The following LARGE1 variants were observed in gnomAD, a reference collection of about 807,000 sequenced individuals.
The protein encoded by LARGE1 is xylosyl- and glucuronyltransferase LARGE1.
Under a neutral mutation model 87.6 loss-of-function variants are expected in LARGE1, and 43 were observed. The observed-to-expected ratio is 0.49, with a 90% CI of 0.38 to 0.63. LARGE1 has a LOEUF of 0.63. Among genes scored for constraint, LARGE1 ranks in the 30% least tolerant of loss-of-function variants. The pLI, the probability that LARGE1 is intolerant of heterozygous loss-of-function variation, is 0.00. For synonymous variants in LARGE1, 434 were observed against 394.6 expected (o/e 1.10, Z -1.18); for missense variants, 802 against 1,000.2 (o/e 0.80, Z 2.67).
At chr22:33,325,076 A>T (rs186524439) in intron 10 of LARGE1, among the ~76,000 whole-genome samples, 1 of 152,230 alleles carries the variant, frequency 6.6e-6, no homozygotes, top group Non-Finnish European at 1.5e-5. Flanking sequence ...AGTAGCTGAG[A>T]TTCAAACCCA....
chr22:33,298,137 T>G (rs1476312761), intron 12 of LARGE1, among the ~76,000 whole-genome samples: 1 of 152,160 alleles, frequency 6.6e-6, no homozygotes, highest in Non-Finnish European at 1.5e-5. Flanking sequence ...CTCTCCTCAT[T>G]TAGAGACCTT....
At chr22:33,714,644 A>G (rs1358398770) in intron 2 of LARGE1, among the ~76,000 whole-genome samples, 2 of 152,218 alleles carry the variant, frequency 1.3e-5, no homozygotes, top group Non-Finnish European at 2.9e-5. Flanking sequence ...CTCAGGTAAA[A>G]CTGACTGTGG....
chr22:33,860,280 C>T (rs73154536), intron 1 of LARGE1, among the ~76,000 whole-genome samples: 2 of 152,236 alleles, frequency 1.3e-5, no homozygotes, highest in African/African-American at 4.8e-5. Context: ...GCGTGAGCCA[C>T]GATGCCTGGC....
chr22:33,092,576 G>C, the LARGE1 span, among the ~76,000 whole-genome samples: 1 of 152,046 alleles, frequency 6.6e-6, no homozygotes, highest in Non-Finnish European at 1.5e-5. Context: ...TAGGTATTAA[G>C]CCCTGCATGC....
intron 2 of LARGE1, among the ~76,000 whole-genome samples, chr22:33,725,948 G>C (rs368935102): frequency 2.0e-5 from 3 of 152,102 alleles, no homozygotes; most frequent in East Asian, 3.9e-4. Context: ...ACAAATCAGG[G>C]GAGAGATGCT....
At chr22:33,875,659 G>A (rs938798424) in intron 1 of LARGE1, among the ~76,000 whole-genome samples, 5 of 152,236 alleles carry the variant, frequency 3.3e-5, no homozygotes, top group Admixed American at 6.5e-5. Flanking sequence ...AATTTAGCTC[G>A]CACTTGGCAG....
At chr22:33,428,629 AAG>A (rs2066964491) in intron 7 of LARGE1, among the ~76,000 whole-genome samples, 4 of 148,888 alleles carry the variant, frequency 2.7e-5, no homozygotes, top group Admixed American at 2.6e-4. Flanking sequence ...TATCTTAAAA[AAG>A]AGAGAGAACT....
the LARGE1 span, among the ~76,000 whole-genome samples, chr22:33,131,220 T>C: frequency 6.6e-6 from 1 of 152,114 alleles, no homozygotes; most frequent in African/African-American, 2.4e-5. Context: ...CCTGCTATTA[T>C]AGCCCAAGGT....
chr22:33,198,636 G>GACACACACAC (rs71187250), intron 11 of LARGE1, among the ~76,000 whole-genome samples: 5 of 137,674 alleles, frequency 3.6e-5, no homozygotes, highest in African/African-American at 1.2e-4. Context: ...TATACACCGT[G>GACACACACAC]ACACACACAC....
chr22:33,504,789 A>G (rs2070685463), intron 6 of LARGE1, among the ~76,000 whole-genome samples: 1 of 152,206 alleles, frequency 6.6e-6, no homozygotes, highest in African/African-American at 2.4e-5. Flanking sequence ...TTGCTATAAG[A>G]TACTCACATT....
At chr22:33,651,727 T>A (rs2080824546) in intron 2 of LARGE1, among the ~76,000 whole-genome samples, 1 of 152,208 alleles carries the variant, frequency 6.6e-6, no homozygotes, top group South Asian at 2.1e-4. Flanking sequence ...GAAGACTGGA[T>A]GCATGGCTCC....
At chr22:33,756,763 A>C (rs552414588) in intron 2 of LARGE1, among the ~76,000 whole-genome samples, 2 of 152,342 alleles carry the variant, frequency 1.3e-5, no homozygotes, top group South Asian at 4.1e-4. Flanking sequence ...AGAACGAAGC[A>C]GACCTGCAAG....
At chr22:33,882,208 T>A (rs1342449992) in intron 1 of LARGE1, among the ~76,000 whole-genome samples, 1 of 152,098 alleles carries the variant, frequency 6.6e-6, no homozygotes, top group Non-Finnish European at 1.5e-5. Flanking sequence ...TTTTTTGTAT[T>A]TTTAGTAGAG....
chr22:33,651,095 A>C (rs528844005), intron 2 of LARGE1, among the ~76,000 whole-genome samples: 8 of 151,894 alleles, frequency 5.3e-5, no homozygotes, highest in African/African-American at 1.9e-4. Flanking sequence ...TAAGGAAAAA[A>C]TAATAGGCCA....
chr22:33,430,650 T>A (rs2067046686), intron 7 of LARGE1, among the ~76,000 whole-genome samples: 1 of 152,184 alleles, frequency 6.6e-6, no homozygotes, highest in African/African-American at 2.4e-5. Context: ...CTAAGGAATG[T>A]CCCCGTCTCT....
chr22:33,233,902 C>T (rs943299814), intron 11 of LARGE1, among the ~76,000 whole-genome samples: 1 of 152,162 alleles, frequency 6.6e-6, no homozygotes, highest in Non-Finnish European at 1.5e-5. Flanking sequence ...TTCAGATTGG[C>T]GTGCCTGTGT....
At chr22:33,079,296 C>T in the LARGE1 span, among the ~76,000 whole-genome samples, 1 of 140,780 alleles carries the variant, frequency 7.1e-6, no homozygotes, top group Non-Finnish European at 1.5e-5. Context: ...GGCGTGATCT[C>T]GGCTCACTGC....
intron 2 of LARGE1, among the ~76,000 whole-genome samples, chr22:33,654,983 T>C (rs1040955850): frequency 3.3e-5 from 5 of 152,338 alleles, no homozygotes; most frequent in Non-Finnish European, 4.4e-5. Flanking sequence ...ATCAAGACTA[T>C]TGATCATACA....
chr22:33,837,277 CA>C (rs1568973668), intron 1 of LARGE1, among the ~76,000 whole-genome samples: 23 of 151,816 alleles, frequency 1.5e-4, no homozygotes, highest in Admixed American at 3.9e-4. Context: ...CACACACACA[CA>C]CACCTATACA....
Sources: gnomAD v4.1 joint callset for allele counts (sites outside exome capture counted in the v4.1 genomes callset) on GRCh38, gnomAD v4.1.1 for gene constraint, MANE v1.5 for transcripts, NCBI Gene and HGNC (gene_info 2026-07-23, HGNC 2026-07-21) for gene names.